Variants in DSCAML1 observed in about 807,000 individuals in gnomAD.
The protein encoded by DSCAML1 is DS cell adhesion molecule like 1.
A neutral mutation model predicts 200.5 loss-of-function variants in DSCAML1; 38 were observed. That is an observed-to-expected ratio of 0.19 (90% CI 0.15 to 0.25). The LOEUF (loss-of-function observed/expected upper bound fraction) is 0.25, where lower values mean the gene tolerates loss of function less well. Among genes scored for constraint, DSCAML1 ranks in the 10% least tolerant of loss-of-function variants. The pLI, the probability that DSCAML1 is intolerant of heterozygous loss-of-function variation, is 1.00. For missense variants in DSCAML1, 2,223 were observed against 2,858.8 expected (o/e 0.78, Z 5.07); for synonymous variants, 1,215 against 1,165.0 (o/e 1.04, Z -0.87).
In DSCAML1 at chr11:117,735,956, T is replaced by C. The variant is rs184654955; in HGVS notation, c.511+40835A>G. Among the ~76,000 whole-genome samples, 23 of 152,348 alleles carry C rather than the reference T, an allele frequency of 1.5e-4. No homozygotes were observed. The East Asian group carries it at 3.1e-3, about 20-fold the overall frequency. ...CCTAGTGCACACTCCTATAGTGATC[T>C]CAGCACTGCTTCTCAGAACCCAACC... is the stretch of plus-strand genomic sequence containing the variant. On this transcript the variant is annotated intron_variant, in intron 3 of 32. Transcript: ENST00000651296.
intron 8 of DSCAML1, among the ~76,000 whole-genome samples, chr11:117,513,408 C>T (rs534833282): frequency 1.3e-5 from 2 of 152,094 alleles, no homozygotes; most frequent in Non-Finnish European, 2.9e-5. Context: ...CAGATGGCCA[C>T]GGTGAGGTTT....
At chr11:117,513,740 CA>C (rs58490526) in intron 8 of DSCAML1, among the ~76,000 whole-genome samples, 27,953 of 77,716 alleles carry the variant, frequency 0.36, 2,175 homozygotes, top group Non-Finnish European at 0.38. Context: ...GACTCTATCT[CA>C]AAAAAAAAAA....
rs1010918180 is a variant in DSCAML1, at chr11:117,437,051, C to T, written c.4720+71G>A. On this transcript the variant is annotated intron_variant, in intron 26 of 32. Transcript: ENST00000651296. This position sits in a 1 kb window ranked among gnomAD's most constrained non-coding sequence, Gnocchi z 5.3. Reference sequence around the variant, plus strand: ...ATTAGTCTGTCTCTTTATGTATCTGCCACTCTGCCCACTTCCTTCGCACCA... The same window carrying T: ...ATTAGTCTGTCTCTTTATGTATCTGTCACTCTGCCCACTTCCTTCGCACCA... 5.9e-6 allele frequency: 9 copies of T among 1,533,180 alleles called. No individual in the cohort carries two copies. The highest frequency in any genetic ancestry group is 7.9e-6 in the Non-Finnish European group (9 of 1,137,058). The allele number at this position is 1,533,180 out of a possible 1,614,324, so 95.0% of individuals were successfully genotyped here.
At chr11:117,471,755 C>T in intron 15 of DSCAML1, 114 bp downstream of exon 15, 2 of 1,167,690 alleles carry the variant, frequency 1.7e-6, no homozygotes, top group East Asian at 2.3e-5. Flanking sequence ...GATGCTTTTC[C>T]CCACGCCACC....
intron 3 of DSCAML1, among the ~76,000 whole-genome samples, chr11:117,762,486 A>C (rs2137894849): frequency 6.6e-6 from 1 of 152,240 alleles, no homozygotes. Flanking sequence ...AGGTAAAGCC[A>C]TTGCCTCTGG....
chr11:117,584,056 C>T (rs1365629575), intron 3 of DSCAML1, among the ~76,000 whole-genome samples: 2 of 152,094 alleles, frequency 1.3e-5, no homozygotes, highest in Admixed American at 6.5e-5. Context: ...TTCCTACTCC[C>T]CACCCCCTCC....
chr11:117,655,559 C>A (rs1258565199), intron 3 of DSCAML1, among the ~76,000 whole-genome samples: 2 of 152,180 alleles, frequency 1.3e-5, no homozygotes, highest in Non-Finnish European at 1.5e-5. Flanking sequence ...AAGTGCAATC[C>A]ATATTTCAGC....
intron 1 of DSCAML1, among the ~76,000 whole-genome samples, chr11:117,783,572 T>A (rs948653748): frequency 6.6e-6 from 1 of 152,160 alleles, no homozygotes; most frequent in African/African-American, 2.4e-5. Context: ...TTATATTTAA[T>A]CTTCATAACT....
chr11:117,750,855 C>T (rs554315815), intron 3 of DSCAML1, among the ~76,000 whole-genome samples: 3 of 152,306 alleles, frequency 2.0e-5, no homozygotes, highest in South Asian at 4.2e-4. Context: ...CCAGCCCCTG[C>T]CCTCCAGGGG....
chr11:117,784,884 T>C (rs2055322821), intron 1 of DSCAML1, among the ~76,000 whole-genome samples: 1 of 152,142 alleles, frequency 6.6e-6, no homozygotes, highest in South Asian at 2.1e-4. Context: ...GATGTTATAA[T>C]ATGCGAGATA....
chr11:117,586,403 C>G (rs535289414), intron 3 of DSCAML1, among the ~76,000 whole-genome samples: 2 of 152,178 alleles, frequency 1.3e-5, no homozygotes, highest in African/African-American at 4.8e-5. Flanking sequence ...TAGGAGGACC[C>G]CTACCCCTTT....
chr11:117,459,379 A>C (rs2048436111), intron 18 of DSCAML1, among the ~76,000 whole-genome samples: 1 of 152,154 alleles, frequency 6.6e-6, no homozygotes. Flanking sequence ...GGCAGTTATC[A>C]ACCTGGGGAT....
intron 3 of DSCAML1, among the ~76,000 whole-genome samples, chr11:117,546,637 A>G (rs2050377663): frequency 6.6e-6 from 1 of 152,052 alleles, no homozygotes; most frequent in Non-Finnish European, 1.5e-5. Context: ...GGCAACTGAG[A>G]TCTAGAAGGG....
In DSCAML1 at chr11:117,467,193, A is replaced by ACCCCCC. The variant is rs757481843; in HGVS notation, c.3025-2012_3025-2011insGGGGGG. Among the ~76,000 whole-genome samples the ACCCCCC allele has an allele frequency of 2.5e-3, 270 of 109,448 alleles. 8 individuals are homozygous for ACCCCCC. Among genetic ancestry groups the ACCCCCC allele is most frequent in the African/African-American group, 5.0e-3 (112 of 22,604 alleles). 71.8% of individuals were successfully genotyped at this position (109,448 alleles called of 152,430 possible). ...CGCGCACGCATGCGCGTGCACACACACCTCCCCCCTCCCCCCGCCGCCAAT... is the reference window on the plus strand; with the variant it reads ...CGCGCACGCATGCGCGTGCACACACACCCCCCCCTCCCCCCTCCCCCCGCCGCCAAT... On this transcript the variant is annotated intron_variant, in intron 16 of 32. Coordinates refer to ENST00000651296, the MANE Select transcript of DSCAML1 (RefSeq NM_020693.4).
intron 3 of DSCAML1, among the ~76,000 whole-genome samples, chr11:117,543,526 G>A (rs1008263354): frequency 2.0e-5 from 3 of 152,156 alleles, no homozygotes; most frequent in Non-Finnish European, 4.4e-5. Context: ...AGGCTGATGG[G>A]GCATTGTAGG....
intron 18 of DSCAML1, among the ~76,000 whole-genome samples, chr11:117,461,020 A>G (rs984885043): frequency 6.6e-6 from 1 of 151,886 alleles, no homozygotes; most frequent in Non-Finnish European, 1.5e-5. Flanking sequence ...TGTACCGACT[A>G]TTCCCCACCG....
intron 21 of DSCAML1, among the ~76,000 whole-genome samples, chr11:117,443,137 G>A (rs924985399): frequency 3.9e-5 from 6 of 152,202 alleles, no homozygotes; most frequent in Admixed American, 6.5e-5. Context: ...GTGAGGAGGG[G>A]CCCAGGGAGG....
intron 16 of DSCAML1, among the ~76,000 whole-genome samples, chr11:117,466,635 A>T (rs569887536): frequency 1.2e-4 from 18 of 152,124 alleles, no homozygotes; most frequent in Non-Finnish European, 1.5e-5. Flanking sequence ...CGGGAGGCGG[A>T]GGTTGGAGTG....
chr11:117,437,583 A>G lies in DSCAML1; in HGVS notation c.4433-174T>C, dbSNP rs1268423386. 6.6e-6 allele frequency among the ~76,000 whole-genome samples: 1 copy of G among 151,598 alleles called. No homozygotes were observed. Among genetic ancestry groups the G allele is most frequent in the Non-Finnish European group, 1.5e-5 (1 of 67,904 alleles). ...CCCCAGGGCGCAGAGGAGGAAGAGG[A>G]GGGGAGGGAGGAGAGGGAAGAAAAG... On this transcript the variant is annotated intron_variant, in intron 25 of 32. Coordinates refer to ENST00000651296, the MANE Select transcript of DSCAML1 (RefSeq NM_020693.4). This position sits in a 1 kb window ranked among gnomAD's most constrained non-coding sequence, Gnocchi z 5.3.
Sources: allele counts gnomAD v4.1 joint callset (sites outside exome capture counted in the v4.1 genomes callset), GRCh38; gene constraint gnomAD v4.1.1; non-coding constraint Gnocchi (gnomAD v3.1); transcripts MANE v1.5; gene names NCBI Gene and HGNC (gene_info 2026-07-23, HGNC 2026-07-21).